The following BRAF variants were observed in gnomAD, a reference collection of about 807,000 sequenced individuals.
BRAF encodes the protein B-Raf proto-oncogene, serine/threonine kinase.
BRAF carries 16 observed loss-of-function variants against 104.6 expected under a neutral mutation model. That is an observed-to-expected ratio of 0.15 (90% confidence interval 0.10 to 0.23). BRAF has a LOEUF of 0.23. Among genes scored for constraint, BRAF ranks in the 10% least tolerant of loss-of-function variants. The pLI, the probability that BRAF is intolerant of heterozygous loss-of-function variation, is 1.00. For missense variants in BRAF, 541 were observed against 937.3 expected (o/e 0.58, Z 5.52); for synonymous variants, 310 against 341.6 (o/e 0.91, Z 1.02).
rs1332156360 is a variant in BRAF, at chr7:140,723,196, G to C, written c.*3298C>G. On this transcript the variant is annotated 3_prime_UTR_variant, in exon 20 of 20. Coordinates refer to ENST00000644969, the MANE Select transcript of BRAF (RefSeq NM_001374258.1). ...AGTGGGGACAGGTGAGATCTGAGGA[G>C]GATGTGCAGCAGCTCGCACTCCGCC... 9.5e-7 allele frequency: 1 copy of C among 1,054,634 alleles called. No individual in the cohort carries two copies. Among genetic ancestry groups the C allele is most frequent in the Admixed American group, 5.5e-5 (1 of 18,276 alleles). 65.3% of individuals were successfully genotyped at this position (1,054,634 alleles called of 1,614,324 possible).
chr7:140,835,616 T>C (rs573323993), intron 2 of BRAF: 1 of 152,218 alleles, frequency 6.6e-6, no homozygotes, highest in East Asian at 1.9e-4. Context: ...ATGTGGCTTA[T>C]ACCCTACAGC....
At chr7:140,876,587 A>G (rs1463851560) in intron 1 of BRAF, among the ~76,000 whole-genome samples, 2 of 152,232 alleles carry the variant, frequency 1.3e-5, no homozygotes, top group African/African-American at 4.8e-5. Flanking sequence ...CACTTCAAAT[A>G]TAATTTTCAT....
intron 16 of BRAF, among the ~76,000 whole-genome samples, chr7:140,750,227 G>C (rs1004918578): frequency 3.3e-5 from 5 of 152,168 alleles, no homozygotes; most frequent in African/African-American, 1.2e-4. Context: ...CGAAATGGCA[G>C]TATATTAATG....
At chr7:140,918,719 A>T (rs993886929) in intron 1 of BRAF, among the ~76,000 whole-genome samples, 2 of 152,262 alleles carry the variant, frequency 1.3e-5, no homozygotes, top group African/African-American at 2.4e-5. Context: ...CATATCCAGT[A>T]AGGTTTTATT....
chr7:140,884,429 ATGTGTGTG>A (rs71170770), intron 1 of BRAF, among the ~76,000 whole-genome samples: 2,885 of 127,496 alleles, frequency 0.023, 76 homozygotes, highest in Admixed American at 0.077. Flanking sequence ...TATATAAGAT[ATGTGTGTG>A]TGTGTGTGTG....
intron 8 of BRAF, among the ~76,000 whole-genome samples, chr7:140,793,498 T>G (rs565707558): frequency 1.3e-5 from 2 of 152,046 alleles, no homozygotes; most frequent in Non-Finnish European, 2.9e-5. Context: ...AAAATTAAAA[T>G]TTATAAGTTT....
intron 1 of BRAF, among the ~76,000 whole-genome samples, chr7:140,868,689 G>A (rs531911579): frequency 5.3e-5 from 8 of 152,176 alleles, no homozygotes; most frequent in African/African-American, 1.2e-4. Flanking sequence ...TAAAACCTCC[G>A]CACTGTACAC....
chr7:140,859,489 C>T (rs1810162858), intron 1 of BRAF, among the ~76,000 whole-genome samples: 1 of 152,162 alleles, frequency 6.6e-6, no homozygotes, highest in Non-Finnish European at 1.5e-5. Context: ...CCTTATTTCA[C>T]ATTACACCAA....
chr7:140,753,577 A>G (rs567554935), intron 15 of BRAF, 184 bp from the exon 15 acceptor site: 12 of 500,596 alleles, frequency 2.4e-5, no homozygotes, highest in African/African-American at 2.3e-4. Context: ...AGTTCTATTT[A>G]GCCTATATAA....
At chr7:140,853,636 G>C (rs1809443033) in intron 1 of BRAF, among the ~76,000 whole-genome samples, 1 of 152,094 alleles carries the variant, frequency 6.6e-6, no homozygotes, top group Non-Finnish European at 1.5e-5. Context: ...AAAGTTTGCT[G>C]TCTTACCAAG....
At chr7:140,770,930 C>CA (rs568324541) in intron 14 of BRAF, among the ~76,000 whole-genome samples, 1,989 of 62,344 alleles carry the variant, frequency 0.032, 36 homozygotes, top group African/African-American at 0.05. Context: ...GATTCCATCT[C>CA]AAAAAAAAAA....
At chr7:140,869,274 C>A (rs1811302141) in intron 1 of BRAF, among the ~76,000 whole-genome samples, 1 of 152,058 alleles carries the variant, frequency 6.6e-6, no homozygotes, top group South Asian at 2.1e-4. Flanking sequence ...AGACACCTTT[C>A]CCCCATCCCC....
intron 3 of BRAF, among the ~76,000 whole-genome samples, chr7:140,831,154 A>G (rs1205314150): frequency 6.6e-6 from 1 of 152,206 alleles, no homozygotes; most frequent in Non-Finnish European, 1.5e-5. Flanking sequence ...ATTGCAGACA[A>G]TTGGGTGGAG....
chr7:140,714,047 C>T, the BRAF span, among the ~76,000 whole-genome samples: 6 of 152,154 alleles, frequency 3.9e-5, no homozygotes, highest in African/African-American at 7.2e-5. Flanking sequence ...TTAGGCTACT[C>T]GGGTCAGGGA....
At chr7:140,781,388 G>A (rs71645972) in intron 12 of BRAF, 188 bp downstream of exon 11, 141 of 621,894 alleles carry the variant, frequency 2.3e-4, no homozygotes, top group African/African-American at 2.0e-3. Flanking sequence ...TAGGAGTCCC[G>A]ACTGCTGTGA....
chr7:140,876,176 TAA>T (rs923029977), intron 1 of BRAF, among the ~76,000 whole-genome samples: 18 of 152,278 alleles, frequency 1.2e-4, no homozygotes, highest in Middle Eastern at 3.4e-3. Flanking sequence ...GGAGAGAAGA[TAA>T]AGAGACCTAC....
intron 12 of BRAF, 25 bp from the exon 12 acceptor site, chr7:140,778,100 T>C: frequency 6.2e-7 from 1 of 1,610,186 alleles, no homozygotes; most frequent in Admixed American, 1.7e-5. Flanking sequence ...TTACTCCAAG[T>C]GTCATTTCAA....
chr7:140,859,521 A>G (rs994245155), intron 1 of BRAF, among the ~76,000 whole-genome samples: 1 of 152,176 alleles, frequency 6.6e-6, no homozygotes, highest in African/African-American at 2.4e-5. Context: ...GTGTGCATGC[A>G]GATGTGTTCC....
chr7:140,911,815 G>A (rs973767741), intron 1 of BRAF, among the ~76,000 whole-genome samples: 1 of 152,162 alleles, frequency 6.6e-6, no homozygotes, highest in Non-Finnish European at 1.5e-5. Context: ...TTCATGGCAG[G>A]ATAGTGGCAG....
Sources: allele counts gnomAD v4.1 joint callset (sites outside exome capture counted in the v4.1 genomes callset), GRCh38; gene constraint gnomAD v4.1.1; transcripts MANE v1.5; gene names NCBI Gene and HGNC (gene_info 2026-07-23, HGNC 2026-07-21).